The following DLGAP1 variants were observed in gnomAD, a reference collection of about 807,000 sequenced individuals.
The protein encoded by DLGAP1 is DLG associated protein 1, also known as disks large-associated protein 1.
In DLGAP1, 11 loss-of-function variants were observed where a neutral mutation model predicts 90.8. The ratio of observed to expected loss-of-function variants is 0.12; its 90% CI spans 0.08 to 0.20. The LOEUF (loss-of-function observed/expected upper bound fraction) is 0.20, where lower values mean the gene tolerates loss of function less well. Ranked by LOEUF, DLGAP1 falls within the 10% of genes least tolerant of loss-of-function variation. DLGAP1 has a pLI of 1.00. For missense variants in DLGAP1, 1,050 were observed against 1,333.8 expected (o/e 0.79, Z 3.31); for synonymous variants, 558 against 540.7 (o/e 1.03, Z -0.44).
At chr18:3,845,038 T>A (rs2068931894) in intron 4 of DLGAP1, among the ~76,000 whole-genome samples, 1 of 152,164 alleles carries the variant, frequency 6.6e-6, no homozygotes, top group Non-Finnish European at 1.5e-5. Context: ...GCAAGTACCA[T>A]AAGCAACCAA....
chr18:3,594,113 C>T (rs2056436183), intron 7 of DLGAP1: 1 of 152,204 alleles, frequency 6.6e-6, no homozygotes, highest in Non-Finnish European at 1.5e-5. Context: ...AGGCAATCCA[C>T]AGCAGCTGCC....
intron 1 of DLGAP1, among the ~76,000 whole-genome samples, chr18:4,266,540 C>T (rs896648969): frequency 5.3e-5 from 8 of 152,144 alleles, no homozygotes; most frequent in Non-Finnish European, 1.2e-4. Context: ...TGTCTGTTCA[C>T]TTTTTTCTTT....
chr18:3,892,639 A>G (rs913309108), intron 3 of DLGAP1, among the ~76,000 whole-genome samples: 1 of 152,184 alleles, frequency 6.6e-6, no homozygotes, highest in Admixed American at 6.5e-5. Flanking sequence ...ACAAGTCAGA[A>G]TCTAATCAAG....
At chr18:3,654,798 A>G (rs1052678417) in intron 7 of DLGAP1, 2 of 152,176 alleles carry the variant, frequency 1.3e-5, no homozygotes, top group African/African-American at 2.4e-5. Context: ...GGCCTGCAAC[A>G]TGCACTTTCT....
chr18:3,843,299 C>T (rs1314639467), intron 4 of DLGAP1, among the ~76,000 whole-genome samples: 1 of 152,224 alleles, frequency 6.6e-6, no homozygotes, highest in Non-Finnish European at 1.5e-5. Flanking sequence ...GGGTTGACCA[C>T]TACAGACAAA....
chr18:3,535,556 A>C (rs1293521464), intron 9 of DLGAP1, among the ~76,000 whole-genome samples: 4 of 151,504 alleles, frequency 2.6e-5, no homozygotes, highest in African/African-American at 9.7e-5. Flanking sequence ...AAAATATAAA[A>C]CATTAGTCGG....
chr18:4,222,285 C>T (rs866457495), intron 1 of DLGAP1, among the ~76,000 whole-genome samples: 2 of 152,108 alleles, frequency 1.3e-5, no homozygotes, highest in South Asian at 2.1e-4. Flanking sequence ...TAACCATTTG[C>T]CCTAAACCAT....
intron 1 of DLGAP1, among the ~76,000 whole-genome samples, chr18:4,175,191 T>C (rs1364498493): frequency 6.6e-6 from 1 of 152,228 alleles, no homozygotes; most frequent in African/African-American, 2.4e-5. Context: ...GAGCTTTTTT[T>C]CATACATTTC....
intron 2 of DLGAP1, among the ~76,000 whole-genome samples, chr18:4,011,879 C>T (rs1256947216): frequency 6.6e-6 from 1 of 152,038 alleles, no homozygotes; most frequent in Non-Finnish European, 1.5e-5. Context: ...AAAAAAAAAT[C>T]TTCTAACTTC....
chr18:4,246,680 G>A (rs902420970), intron 1 of DLGAP1, among the ~76,000 whole-genome samples: 35 of 152,272 alleles, frequency 2.3e-4, no homozygotes, highest in Middle Eastern at 3.4e-3. Context: ...CTTCCGTCTC[G>A]AGGGTAATTG....
intron 1 of DLGAP1, among the ~76,000 whole-genome samples, chr18:4,362,692 A>G (rs533401): frequency 0.95 from 144,103 of 152,228 alleles, 68,299 homozygotes; most frequent in East Asian, 1. Context: ...TGTACTCAAC[A>G]CCATTGAACT....
At chr18:4,376,787 TTCA>T (rs2082023072) in intron 1 of DLGAP1, among the ~76,000 whole-genome samples, 1 of 152,118 alleles carries the variant, frequency 6.6e-6, no homozygotes, top group South Asian at 2.1e-4. Context: ...ATTTAACAGA[TTCA>T]TCAGGCGCTT....
chr18:3,530,811 T>A (rs568187980), intron 10 of DLGAP1, among the ~76,000 whole-genome samples: 1 of 152,204 alleles, frequency 6.6e-6, no homozygotes, highest in Non-Finnish European at 1.5e-5. Context: ...CACTGCCAAG[T>A]TGTTTGCACT....
intron 6 of DLGAP1, among the ~76,000 whole-genome samples, chr18:3,730,026 A>G (rs2147470440): frequency 6.6e-6 from 1 of 152,344 alleles, no homozygotes; most frequent in East Asian, 1.9e-4. Context: ...CTAAACTCAG[A>G]TATGTCAAAA....
At chr18:4,327,077 T>C (rs1407232824) in intron 1 of DLGAP1, among the ~76,000 whole-genome samples, 1 of 127,960 alleles carries the variant, frequency 7.8e-6, no homozygotes, top group African/African-American at 3.4e-5. Context: ...ATGAAAAAAA[T>C]GTTAATTAAA....
chr18:3,757,498 A>G (rs1183955233), intron 5 of DLGAP1, among the ~76,000 whole-genome samples: 2 of 152,164 alleles, frequency 1.3e-5, no homozygotes, highest in East Asian at 3.9e-4. Context: ...ATTCCCAACA[A>G]AACAATAGTA....
intron 1 of DLGAP1, among the ~76,000 whole-genome samples, chr18:4,392,426 T>G (rs1448595051): frequency 1.3e-5 from 2 of 152,158 alleles, no homozygotes; most frequent in East Asian, 3.9e-4. Flanking sequence ...GGGTCCTCAT[T>G]ATAGACCATT....
At chr18:3,792,338 A>C (rs964749752) in intron 5 of DLGAP1, among the ~76,000 whole-genome samples, 1 of 151,874 alleles carries the variant, frequency 6.6e-6, no homozygotes, top group African/African-American at 2.4e-5. Flanking sequence ...AAAATTAGCC[A>C]GGCATGGTGG....
chr18:4,281,048 T>G (rs2079538297), intron 1 of DLGAP1: 1 of 152,220 alleles, frequency 6.6e-6, no homozygotes, highest in African/African-American at 2.4e-5. Flanking sequence ...CCTGCTAATT[T>G]TGGAACAAAC....
Sources: allele counts gnomAD v4.1 joint callset (sites outside exome capture counted in the v4.1 genomes callset), GRCh38; gene constraint gnomAD v4.1.1; transcripts MANE v1.5; gene names NCBI Gene and HGNC (gene_info 2026-07-23, HGNC 2026-07-21).